The following SEMA3A variants were observed in gnomAD, a reference collection of about 807,000 sequenced individuals.
SEMA3A encodes semaphorin 3A.
A neutral mutation model predicts 97.9 loss-of-function variants in SEMA3A; 29 were observed. The ratio of observed to expected loss-of-function variants is 0.30; its 90% CI spans 0.22 to 0.40. The LOEUF is 0.40. Among genes scored for constraint, SEMA3A ranks in the 10% least tolerant of loss-of-function variants. The probability of loss-of-function intolerance (pLI) is 1.00; values close to 1 mark genes in which losing one functional copy is unlikely to be tolerated. For synonymous variants in SEMA3A, 321 were observed against 323.7 expected, an observed-to-expected ratio of 0.99 and a Z score of 0.09; for missense variants, 763 against 951.3, an observed-to-expected ratio of 0.80 and a Z score of 2.60.
chr7:84,005,397 A>G lies in SEMA3A; in HGVS notation c.1302T>C (p.Ile434=), dbSNP rs7804122. 372,949 of 1,612,230 alleles carry G rather than the reference A, an allele frequency of 0.23. 44,417 individuals are homozygous for G. The highest frequency in any genetic ancestry group is 0.33 in the Middle Eastern group (1,994 of 6,050). ...CTTCTGCATCCACTCGGTCTACGAC[A>G]ATTTGTGTAAATTGATAATTTACAT... ...KTDVNYQFTQ[I]VVDRVDAEDG... The change falls in exon 11 of 17, where the codon ATT becomes ATC. Residue 434 remains isoleucine, a synonymous_variant. Transcript: ENST00000265362.
chr7:84,115,885 A>T (rs902038658), intron 3 of SEMA3A, among the ~76,000 whole-genome samples: 5 of 152,184 alleles, frequency 3.3e-5, no homozygotes, highest in African/African-American at 1.2e-4. Flanking sequence ...CAACCAAGTC[A>T]TTGGTTTACA....
At chr7:84,366,815 A>G (rs1480244733) in intron 2 of SEMA3A, among the ~76,000 whole-genome samples, 1 of 151,302 alleles carries the variant, frequency 6.6e-6, no homozygotes, top group Non-Finnish European at 1.5e-5. Context: ...CTAGTGGTAA[A>G]TTGCTATTCC....
chr7:84,435,588 CAGAG>C (rs1211658565), intron 1 of SEMA3A, among the ~76,000 whole-genome samples: 1 of 152,096 alleles, frequency 6.6e-6, no homozygotes, highest in East Asian at 1.9e-4. Flanking sequence ...AGCCTGGCGA[CAGAG>C]AGAAATTCTG....
chr7:83,994,609 C>T (rs1273305868), intron 12 of SEMA3A, among the ~76,000 whole-genome samples: 1 of 143,208 alleles, frequency 7.0e-6, no homozygotes, highest in Non-Finnish European at 1.5e-5. Context: ...CTGGGGGGTG[C>T]CTCCCAGTTA....
intron 5 of SEMA3A, among the ~76,000 whole-genome samples, chr7:84,054,782 G>A (rs1440816166): frequency 3.4e-5 from 5 of 146,960 alleles, no homozygotes; most frequent in Admixed American, 6.9e-5. Context: ...GAGGCGCTCT[G>A]CTTTTTAGAG....
chr7:84,283,916 A>AT (rs1800518004), intron 3 of SEMA3A, among the ~76,000 whole-genome samples: 2 of 152,018 alleles, frequency 1.3e-5, no homozygotes, highest in African/African-American at 4.8e-5. Context: ...TATTCCTTAA[A>AT]TTTTTTTCCT....
At chr7:84,407,525 C>G (rs964497917) in intron 1 of SEMA3A, among the ~76,000 whole-genome samples, 3 of 151,754 alleles carry the variant, frequency 2.0e-5, no homozygotes, top group Admixed American at 6.6e-5. Flanking sequence ...ACTTTCTTCA[C>G]AGAATTGGAA....
chr7:84,081,814 CAT>C (rs1163672098), intron 4 of SEMA3A, among the ~76,000 whole-genome samples: 2 of 151,790 alleles, frequency 1.3e-5, no homozygotes, highest in Non-Finnish European at 2.9e-5. Context: ...TATTTTATCT[CAT>C]ATATTTTAAG....
intron 2 of SEMA3A, among the ~76,000 whole-genome samples, chr7:84,307,452 T>C (rs1420463476): frequency 6.6e-6 from 1 of 152,206 alleles, no homozygotes; most frequent in Non-Finnish European, 1.5e-5. Flanking sequence ...AAAGGAATTA[T>C]GGAAGGCAGG....
At chr7:84,459,685 T>C (rs530286427) in intron 1 of SEMA3A, among the ~76,000 whole-genome samples, 1 of 152,296 alleles carries the variant, frequency 6.6e-6, no homozygotes, top group South Asian at 2.1e-4. Context: ...ACTTTAATAA[T>C]CTTAAGGAAT....
At chr7:84,311,916 A>C (rs537389540) in intron 2 of SEMA3A, among the ~76,000 whole-genome samples, 1 of 151,918 alleles carries the variant, frequency 6.6e-6, no homozygotes, top group South Asian at 2.1e-4. Flanking sequence ...TTTTGCAAAT[A>C]TGAAAACCCA....
chr7:84,087,786 T>C (rs1192398202), intron 4 of SEMA3A, among the ~76,000 whole-genome samples: 1 of 152,224 alleles, frequency 6.6e-6, no homozygotes, highest in South Asian at 2.1e-4. Flanking sequence ...TTCATTCCCA[T>C]GAACTTCTGT....
intron 3 of SEMA3A, among the ~76,000 whole-genome samples, chr7:84,289,774 T>C (rs1222988306): frequency 6.6e-6 from 1 of 152,148 alleles, no homozygotes; most frequent in African/African-American, 2.4e-5. Context: ...CTTGTAGATA[T>C]GTACCAACGA....
At chr7:84,320,719 A>C (rs983755217) in intron 2 of SEMA3A, among the ~76,000 whole-genome samples, 6 of 151,962 alleles carry the variant, frequency 3.9e-5, no homozygotes, top group Non-Finnish European at 8.8e-5. Context: ...ACAATTGTTG[A>C]ATTGCAATTA....
intron 1 of SEMA3A, among the ~76,000 whole-genome samples, chr7:84,454,796 A>G (rs905679622): frequency 6.6e-6 from 1 of 152,050 alleles, no homozygotes; most frequent in Non-Finnish European, 1.5e-5. Context: ...ATATTTAATC[A>G]TATTAAATCT....
chr7:84,038,064 T>G (rs372551106), intron 6 of SEMA3A, among the ~76,000 whole-genome samples: 1 of 152,138 alleles, frequency 6.6e-6, no homozygotes, highest in East Asian at 1.9e-4. Context: ...TTTAATGCTT[T>G]TTTGTCATGT....
chr7:84,471,849 T>A (rs1806160952), intron 1 of SEMA3A, among the ~76,000 whole-genome samples: 1 of 152,040 alleles, frequency 6.6e-6, no homozygotes, highest in Non-Finnish European at 1.5e-5. Flanking sequence ...AGATCCCTTA[T>A]TCCAATACAA....
At chr7:84,473,360 C>T (rs963363344) in intron 1 of SEMA3A, among the ~76,000 whole-genome samples, 6 of 148,640 alleles carry the variant, frequency 4.0e-5, no homozygotes, top group African/African-American at 1.5e-4. Flanking sequence ...ATCTTATATA[C>T]TTTATATTTT....
At chr7:83,976,679 C>T (rs1282403087) in intron 15 of SEMA3A, among the ~76,000 whole-genome samples, 2 of 151,758 alleles carry the variant, frequency 1.3e-5, no homozygotes, top group African/African-American at 4.8e-5. Context: ...ACATTATCTT[C>T]TGCTTGACTA....
Sources: gnomAD v4.1 joint callset for allele counts (sites outside exome capture counted in the v4.1 genomes callset) on GRCh38, gnomAD v4.1.1 for gene constraint, MANE v1.5 for transcripts, NCBI Gene and HGNC (gene_info 2026-07-23, HGNC 2026-07-21) for gene names.